MCMBP: variants seen among roughly 807,000 people sequenced by gnomAD.
The protein encoded by MCMBP is minichromosome maintenance complex binding protein, also known as mini-chromosome maintenance complex-binding protein.
MCMBP carries 31 observed loss-of-function variants against 81.3 expected under a neutral mutation model. The ratio of observed to expected loss-of-function variants is 0.38; its 90% CI spans 0.29 to 0.51. The LOEUF (loss-of-function observed/expected upper bound fraction) is 0.51, where lower values mean the gene tolerates loss of function less well. Among genes scored for constraint, MCMBP ranks in the 20% least tolerant of loss-of-function variants. MCMBP has a pLI of 0.87. For synonymous variants in MCMBP, 267 were observed against 275.9 expected (o/e 0.97, Z 0.32); for missense variants, 645 against 772.1 (o/e 0.84, Z 1.95).
Position 119,840,910 on chromosome 10 carries a change from C to A in MCMBP, c.1175G>T (p.Ser392Ile), listed in dbSNP as rs1397686530. The change falls in exon 11 of 16, where the codon AGT (serine) becomes ATT (isoleucine). Residue 392 changes from serine (S) to isoleucine (I), a missense_variant. By Grantham distance (142) the Ser-to-Ile change is moderately radical. Transcript: ENST00000369077. ...LPLGKFTVNL[S>I]GCPRNSTFTE... The stretch of plus-strand genomic sequence containing the variant: ...GAAGGTACTATTCCGTGGGCAACCA[C>A]TCAAGTTAACTGTAAATTTTCCTAG... 8 of 1,611,032 alleles carry A rather than the reference C, an allele frequency of 5.0e-6. No homozygotes were observed. In the South Asian group the frequency reaches 8.9e-5, roughly 18 times the overall value.
intron 9 of MCMBP, chr10:119,842,974 A>G: frequency 2.5e-6 from 1 of 401,072 alleles, no homozygotes; most frequent in Middle Eastern, 7.0e-4. Context: ...GCTAGTCTCG[A>G]ACTCCTGACC....
chr10:119,854,045 CTTTTTTT>C (rs111657130), intron 5 of MCMBP, among the ~76,000 whole-genome samples: 3 of 140,020 alleles, frequency 2.1e-5, no homozygotes, highest in African/African-American at 7.9e-5. Flanking sequence ...TTTTCCTTTT[CTTTTTTT>C]TTTTTTTTGA....
At chr10:119,840,282 C>T (rs1015217647) in intron 11 of MCMBP, among the ~76,000 whole-genome samples, 3 of 152,064 alleles carry the variant, frequency 2.0e-5, no homozygotes, top group African/African-American at 2.4e-5. Flanking sequence ...TGAATACATT[C>T]GGTTCAATAA....
In MCMBP at chr10:119,831,386, C is replaced by T; in HGVS notation, c.*88G>A. ...GTCACTGGTTTGTGATAGAAATTAC[C>T]TATAAAACAATGTGGTATAAATGAA... is the stretch of plus-strand genomic sequence containing the variant. On this transcript the variant is annotated 3_prime_UTR_variant, in exon 16 of 16. Transcript: ENST00000369077. The T allele has an allele frequency of 6.7e-7, 1 of 1,495,284 alleles. No homozygotes were observed. Among genetic ancestry groups the T allele is most frequent in the Non-Finnish European group, 9.1e-7 (1 of 1,093,724 alleles). 92.6% of individuals were successfully genotyped at this position (1,495,284 alleles called of 1,614,324 possible). A position where few individuals can be genotyped will look rare whatever the true frequency, so the allele number is the denominator to read the frequency against.
chr10:119,872,545 T>C lies in MCMBP; in HGVS notation c.40A>G (p.Ile14Val). The C allele has an allele frequency of 1.7e-6, 2 of 1,178,770 alleles. No individual in the cohort carries two copies. Among genetic ancestry groups the C allele is most frequent in the East Asian group, 4.1e-5 (1 of 24,516 alleles). 73.0% of individuals were successfully genotyped at this position (1,178,770 alleles called of 1,614,324 possible). Residue 14 changes from isoleucine to valine, a missense_variant, in exon 1 of 16, where the codon ATC becomes GTC. Coordinates refer to ENST00000369077, the MANE Select transcript of MCMBP (RefSeq NM_001256378.2). ...CACTCACCGAAGAATCCCTGCACGA[T>C]TCCCAGCGGGTGGCTGAGCCAATCC... ...GEDWLSHPLG[I>V]VQGFFAQNGV... is the part of the protein sequence containing the mutation.
At chr10:119,833,864 A>G (rs1014519995) in intron 14 of MCMBP, among the ~76,000 whole-genome samples, 4 of 152,204 alleles carry the variant, frequency 2.6e-5, no homozygotes, top group Admixed American at 2.6e-4. Flanking sequence ...TCAGGAAAAT[A>G]TGAGAATCAC....
rs559560874 is a variant in MCMBP at position 119,862,222 on chromosome 10, G to A, written c.59-2338C>T. 3.3e-5 allele frequency among the ~76,000 whole-genome samples: 5 copies of A among 152,200 alleles called. No individual in the cohort carries two copies. In the South Asian group the frequency reaches 8.3e-4, roughly 25 times the overall value. On this transcript the variant is annotated intron_variant, in intron 1 of 15. Coordinates refer to ENST00000369077, the MANE Select transcript of MCMBP (RefSeq NM_001256378.2). ...CTTGGGAGGCTGAGGCAGGAGAATCGCTTGAACCTGGGAGGTGGAGGTTGC... is the reference window on the plus strand; with the variant it reads ...CTTGGGAGGCTGAGGCAGGAGAATCACTTGAACCTGGGAGGTGGAGGTTGC...
intron 1 of MCMBP, among the ~76,000 whole-genome samples, chr10:119,860,143 T>C (rs1829360344): frequency 6.6e-6 from 1 of 152,190 alleles, no homozygotes; most frequent in South Asian, 2.1e-4. Context: ...GCAGGCTCTC[T>C]AGCACCCACA....
chr10:119,842,721 G>T (rs781184314), intron 9 of MCMBP, 126 bp from the exon 10 acceptor site: 14 of 973,752 alleles, frequency 1.4e-5, no homozygotes, highest in Middle Eastern at 2.3e-4. Flanking sequence ...TAACATATCC[G>T]TCAGTAAGTG....
chr10:119,850,706 AC>A (rs1852783040), intron 6 of MCMBP, among the ~76,000 whole-genome samples: 1 of 142,246 alleles, frequency 7.0e-6, no homozygotes, highest in East Asian at 2.2e-4. Flanking sequence ...CAGAGATTGC[AC>A]CACTGCACTC....
intron 3 of MCMBP, 48 bp from the exon 4 acceptor site, chr10:119,858,973 C>T: frequency 6.2e-7 from 1 of 1,609,764 alleles, no homozygotes; most frequent in Non-Finnish European, 8.5e-7. Context: ...TATATCTGAA[C>T]CAAAACTACC....
chr10:119,831,365 C>T lies in MCMBP; in HGVS notation c.*109G>A. ...CCAGGCTTGATTTCAGGAAATGTCA[C>T]TGGTTTGTGATAGAAATTACCTATA... On this transcript the variant is annotated 3_prime_UTR_variant, in exon 16 of 16. Coordinates refer to ENST00000369077, the MANE Select transcript of MCMBP (RefSeq NM_001256378.2). 1 of 1,351,794 alleles carries T rather than the reference C, an allele frequency of 7.4e-7. No individual in the cohort carries two copies. The highest frequency in any genetic ancestry group is 1.4e-5 in the South Asian group (1 of 71,916). 83.7% of individuals were successfully genotyped at this position (1,351,794 alleles called of 1,614,324 possible).
Position 119,832,084 on chromosome 10 carries a change from A to G in MCMBP, c.1724T>C (p.Phe575Ser). 1 of 1,612,738 alleles carries G rather than the reference A, an allele frequency of 6.2e-7. No individual in the cohort carries two copies. Among genetic ancestry groups the G allele is most frequent in the South Asian group, 1.1e-5 (1 of 90,726 alleles). The change falls in exon 15 of 16, where the codon TTT becomes TCT. Residue 575 changes from phenylalanine (F) to serine (S), a missense_variant. By Grantham distance (155) the Phe-to-Ser change is radical. Transcript: ENST00000369077. ...DEITKAVEDD[F>S]VEMRKNDPQS... ...AGGGTCGTTCTTCCGCATTTCCACA[A>G]AGTCATCTTCAACTGCCTTTATCAA...
At chr10:119,856,973 G>A (rs916148509) in intron 5 of MCMBP, among the ~76,000 whole-genome samples, 3 of 151,496 alleles carry the variant, frequency 2.0e-5, no homozygotes, top group East Asian at 1.9e-4. Context: ...GGTGGCACAC[G>A]CTTGTGGTCC....
chr10:119,849,911 G>T (rs1852749083), intron 6 of MCMBP, among the ~76,000 whole-genome samples: 1 of 152,044 alleles, frequency 6.6e-6, no homozygotes, highest in Admixed American at 6.6e-5. Context: ...AGGAATACAT[G>T]GTCTACCGAC....
Position 119,838,559 on chromosome 10 carries a change from C to G in MCMBP, c.1384G>C (p.Glu462Gln). 1 of 1,614,030 alleles carries G rather than the reference C, an allele frequency of 6.2e-7. No individual in the cohort carries two copies. Among genetic ancestry groups the G allele is most frequent in the South Asian group, 1.1e-5 (1 of 91,070 alleles). Residue 462 changes from glutamate (E) to glutamine (Q), a missense_variant, in exon 12 of 16, where the codon GAA becomes CAA. Glu to Gln is a conservative substitution (Grantham distance 29, BLOSUM62 2). Coordinates refer to ENST00000369077, the MANE Select transcript of MCMBP (RefSeq NM_001256378.2). ...TSLVIDETLLEQGQLDTPGVH... is the reference protein window; with the variant it reads ...TSLVIDETLLQQGQLDTPGVH... Reference sequence around the variant, plus strand: ...CCTGGGGTATCCAGCTGCCCCTGTTCCAGGAGAGTCTCATCGATTACAAGG... The same window carrying G: ...CCTGGGGTATCCAGCTGCCCCTGTTGCAGGAGAGTCTCATCGATTACAAGG...
rs1853159859 is a variant in MCMBP at position 119,859,263 on chromosome 10, G to C, written c.145-82C>G. The stretch of plus-strand genomic sequence containing the variant: ...CATATATACACAAACTTTATATCCA[G>C]ACTCAAACTGTTACACACACACACA... On this transcript the variant is annotated intron_variant, in intron 2 of 15. Coordinates refer to ENST00000369077, the MANE Select transcript of MCMBP (RefSeq NM_001256378.2). 9 of 1,222,810 alleles carry C rather than the reference G, an allele frequency of 7.4e-6. No homozygotes were observed. The East Asian group carries it at 2.2e-4, about 30-fold the overall frequency. 75.7% of individuals were successfully genotyped at this position (1,222,810 alleles called of 1,614,324 possible).
At chr10:119,843,206 C>G (rs1852498093) in intron 9 of MCMBP, 48 bp downstream of exon 9, 2 of 1,608,038 alleles carry the variant, frequency 1.2e-6, no homozygotes, top group African/African-American at 2.7e-5. Context: ...TCTGGACACA[C>G]TGAGGCTAAC....
intron 5 of MCMBP, among the ~76,000 whole-genome samples, chr10:119,855,714 A>C (rs2079989454): frequency 6.6e-6 from 1 of 152,176 alleles, no homozygotes; most frequent in Admixed American, 6.5e-5. Flanking sequence ...AAACCAAACC[A>C]AAAAGAACAA....
Sources: gnomAD v4.1 joint callset for allele counts (sites outside exome capture counted in the v4.1 genomes callset) on GRCh38, gnomAD v4.1.1 for gene constraint, MANE v1.5 for transcripts, NCBI Gene and HGNC (gene_info 2026-07-23, HGNC 2026-07-21) for gene names.